The following PAH variants were observed in gnomAD, a reference collection of about 807,000 sequenced individuals.
PAH encodes phenylalanine hydroxylase.
PAH carries 64 observed loss-of-function variants against 62.0 expected under a neutral mutation model. The ratio of observed to expected loss-of-function variants is 1.03; its 90% CI spans 0.84 to 1.27. The LOEUF (loss-of-function observed/expected upper bound fraction) is 1.27, where lower values mean the gene tolerates loss of function less well. PAH is among the 50% of genes most tolerant of loss of function. PAH has a pLI of 0.00. For synonymous variants in PAH, 195 were observed against 196.2 expected (o/e 0.99, Z 0.05); for missense variants, 579 against 542.8 (o/e 1.07, Z -0.66).
At chr12:102,909,014 G>C (rs1218161646) in intron 2 of PAH, among the ~76,000 whole-genome samples, 2 of 151,802 alleles carry the variant, frequency 1.3e-5, no homozygotes, top group Non-Finnish European at 2.9e-5. Flanking sequence ...TTTTAGTAAA[G>C]ACCGGGTTTC....
chr12:102,953,887 C>G (rs754230835), upstream of PAH: 4 of 152,258 alleles, frequency 2.6e-5, no homozygotes, highest in Non-Finnish European at 5.9e-5. Context: ...GAGAGACTTG[C>G]AAAGCAAATT....
At chr12:102,901,495 G>A (rs1413222696) in intron 2 of PAH, among the ~76,000 whole-genome samples, 3 of 152,048 alleles carry the variant, frequency 2.0e-5, no homozygotes, top group African/African-American at 7.2e-5. Context: ...CCTCAACTTG[G>A]TATAGATACC....
intron 1 of PAH, among the ~76,000 whole-genome samples, chr12:102,936,822 C>G (rs901690612): frequency 2.0e-5 from 3 of 152,000 alleles, no homozygotes; most frequent in Non-Finnish European, 4.4e-5. Context: ...CTTATTTTTT[C>G]TTTCCATTTA....
At chr12:102,889,723 A>G (rs971949310) in intron 3 of PAH, among the ~76,000 whole-genome samples, 2 of 152,154 alleles carry the variant, frequency 1.3e-5, no homozygotes, top group South Asian at 2.1e-4. Flanking sequence ...AACTGCAAAC[A>G]TATTTCTCAA....
In PAH at chr12:102,868,042, A is replaced by G. The variant is rs1220421897; in HGVS notation, c.442-1379T>C. ...TACATATATACATGTATATACACCT[A>G]TATATATGTATATATATACACATAT... On this transcript the variant is annotated intron_variant, in intron 4 of 12. Transcript: ENST00000553106. Among the ~76,000 whole-genome samples, 71 of 117,694 alleles carry G rather than the reference A, an allele frequency of 6.0e-4. 2 individuals carry two copies. Among genetic ancestry groups the G allele is most frequent in the South Asian group, 1.6e-3 (5 of 3,216 alleles). 77.2% of individuals were successfully genotyped at this position (117,694 alleles called of 152,430 possible).
At chr12:102,880,239 C>T (rs1361613778) in intron 3 of PAH, among the ~76,000 whole-genome samples, 6 of 152,148 alleles carry the variant, frequency 3.9e-5, no homozygotes, top group Admixed American at 3.3e-4. Context: ...CCAGCATTTG[C>T]GTTGTACACT....
At chr12:102,912,351 A>G (rs962599308) in intron 2 of PAH, among the ~76,000 whole-genome samples, 11 of 152,176 alleles carry the variant, frequency 7.2e-5, no homozygotes, top group African/African-American at 2.7e-4. Context: ...TTACACTTAT[A>G]CATAGAAGAC....
chr12:102,935,697 C>T (rs1254909463), intron 1 of PAH, among the ~76,000 whole-genome samples: 1 of 143,426 alleles, frequency 7.0e-6, no homozygotes, highest in South Asian at 2.2e-4. Context: ...CTCATTGTAG[C>T]CTCTAATGAT....
intron 1 of PAH, among the ~76,000 whole-genome samples, chr12:102,938,176 G>A (rs761102867): frequency 6.6e-6 from 1 of 152,168 alleles, no homozygotes; most frequent in Non-Finnish European, 1.5e-5. Context: ...TGCCCACCAA[G>A]GATTGGCATG....
chr12:102,888,718 G>C (rs1877139958), intron 3 of PAH, among the ~76,000 whole-genome samples: 1 of 151,806 alleles, frequency 6.6e-6, no homozygotes, highest in Non-Finnish European at 1.5e-5. Flanking sequence ...GCTGGAGTCT[G>C]CTTGTCTCAG....
intron 4 of PAH, among the ~76,000 whole-genome samples, chr12:102,869,957 C>T (rs1052503874): frequency 1.3e-5 from 2 of 152,110 alleles, no homozygotes; most frequent in African/African-American, 4.8e-5. Flanking sequence ...CTCAATTAAA[C>T]TAATAGCAGC....
intron 2 of PAH, among the ~76,000 whole-genome samples, chr12:102,906,889 C>T (rs1780464274): frequency 6.6e-6 from 1 of 152,178 alleles, no homozygotes; most frequent in Admixed American, 6.5e-5. Flanking sequence ...ATGTGCATAG[C>T]ATGACACTTG....
chr12:102,880,819 A>G (rs1876782404), intron 3 of PAH, among the ~76,000 whole-genome samples: 1 of 152,156 alleles, frequency 6.6e-6, no homozygotes, highest in Non-Finnish European at 1.5e-5. Context: ...AAGAATAAAG[A>G]AGCATAAGGA....
rs199475589 is a variant in PAH, at chr12:102,855,169, G to T, written c.673C>A (p.Pro225Thr). ...AACTGAGAAACGTCTTCCAGCTGGGGAATGTTATCTTCATGGAAGCCACAG... is the reference window on the plus strand; with the variant it reads ...AACTGAGAAACGTCTTCCAGCTGGGTAATGTTATCTTCATGGAAGCCACAG... ...KYCGFHEDNI[P>T]QLEDVSQFLQ... Residue 225 changes from proline (P) to threonine (T), a missense_variant, in exon 6 of 13, where the codon CCC (proline) becomes ACC (threonine). Pro to Thr is a conservative substitution (Grantham distance 38). Coordinates refer to ENST00000553106, the MANE Select transcript of PAH (RefSeq NM_000277.3). 1 of 1,614,020 alleles carries T rather than the reference G, an allele frequency of 6.2e-7. No individual in the cohort carries two copies. Among genetic ancestry groups the T allele is most frequent in the Non-Finnish European group, 8.5e-7 (1 of 1,179,982 alleles).
At chr12:102,950,864 A>G (rs946252155), upstream of PAH, 4 of 152,206 alleles carry the variant, frequency 2.6e-5, no homozygotes, top group African/African-American at 9.7e-5. Flanking sequence ...CTTTCCGCGC[A>G]GGTCAGATAT....
At chr12:102,938,359 G>A (rs1423791098) in intron 1 of PAH, among the ~76,000 whole-genome samples, 4 of 152,276 alleles carry the variant, frequency 2.6e-5, no homozygotes, top group East Asian at 3.9e-4. Flanking sequence ...CCTAGAGTCC[G>A]GGCAGAGCTA....
At chr12:102,845,012 T>C (rs746665840) in intron 9 of PAH, among the ~76,000 whole-genome samples, 2 of 152,154 alleles carry the variant, frequency 1.3e-5, no homozygotes, top group African/African-American at 4.8e-5. Context: ...TCTCTCTCTA[T>C]ATATATCTCA....
At chr12:102,933,807 C>T (rs888743591) in intron 1 of PAH, among the ~76,000 whole-genome samples, 6 of 151,832 alleles carry the variant, frequency 4.0e-5, no homozygotes, top group African/African-American at 1.5e-4. Flanking sequence ...GAATTTTTCC[C>T]ATACAATTGT....
chr12:102,866,878 C>CTAAATCCTCATCCA, intron 4 of PAH, among the ~76,000 whole-genome samples: 1 of 152,190 alleles, frequency 6.6e-6, no homozygotes, highest in Non-Finnish European at 1.5e-5. Flanking sequence ...CATGAGCCTC[C>CTAAATCCTCATCCA]TTGCTGTGGA....
Sources: gnomAD v4.1 joint callset for allele counts (sites outside exome capture counted in the v4.1 genomes callset) on GRCh38, gnomAD v4.1.1 for gene constraint, MANE v1.5 for transcripts, NCBI Gene and HGNC (gene_info 2026-07-23, HGNC 2026-07-21) for gene names.